The following STK3 variants were observed in gnomAD, a reference collection of about 807,000 sequenced individuals.
STK3 encodes serine/threonine kinase 3.
Under a neutral mutation model 58.0 loss-of-function variants are expected in STK3, and 41 were observed. The observed-to-expected ratio is 0.71, with a 90% confidence interval of 0.55 to 0.92. The LOEUF (loss-of-function observed/expected upper bound fraction) is 0.92, where lower values mean the gene tolerates loss of function less well. STK3 is among the 40% of genes least tolerant of loss of function. The pLI is 0.00. For synonymous variants in STK3, 170 were observed against 191.0 expected (o/e 0.89, Z 0.91); for missense variants, 479 against 602.7 (o/e 0.79, Z 2.15).
chr8:98,649,410 C>T (rs1820694449), intron 6 of STK3, among the ~76,000 whole-genome samples: 1 of 152,110 alleles, frequency 6.6e-6, no homozygotes, highest in African/African-American at 2.4e-5. Context: ...TTAGAAACTT[C>T]TCCCAAGTTT....
chr8:98,710,547 G>GCACAA (rs1826325832), intron 4 of STK3, among the ~76,000 whole-genome samples: 1 of 152,212 alleles, frequency 6.6e-6, no homozygotes, highest in Non-Finnish European at 1.5e-5. Context: ...CTCACTGCTA[G>GCACAA]CACAACAGTG....
chr8:98,550,468 T>C (rs1249409813), intron 8 of STK3, among the ~76,000 whole-genome samples: 1 of 152,178 alleles, frequency 6.6e-6, no homozygotes, highest in Non-Finnish European at 1.5e-5. Flanking sequence ...CCTATCTGTC[T>C]CCATCCCCAA....
At position 98,851,129 on chromosome 8, in the gene STK3, A is replaced by G. The variant is rs188066477; in HGVS notation, c.110+32518T>C. Among the ~76,000 whole-genome samples, 1,292 of 152,240 alleles carry G rather than the reference A, an allele frequency of 8.5e-3. 12 individuals carry two copies. The highest frequency in any genetic ancestry group is 0.029 in the African/African-American group (1,215 of 41,516). On this transcript the variant is annotated intron_variant, in intron 3 of 12. Coordinates refer to the STK3 transcript ENST00000523601. ...GCTCACATTGAGATGTCACATCTCA[A>G]AGAGGCCTTCACCATTCTAGGGAAG...
intron 3 of STK3, among the ~76,000 whole-genome samples, chr8:98,872,074 G>A (rs1461746747): frequency 6.6e-6 from 1 of 152,124 alleles, no homozygotes; most frequent in African/African-American, 2.4e-5. Flanking sequence ...TTTTTTCAAA[G>A]GCCTTTTCTG....
chr8:98,661,284 G>A (rs1821947190), intron 6 of STK3, among the ~76,000 whole-genome samples: 1 of 152,022 alleles, frequency 6.6e-6, no homozygotes, highest in Admixed American at 6.6e-5. Flanking sequence ...CAAATCTGTG[G>A]TAGATGAACT....
chr8:98,420,941 G>A (rs139768963), intron 3 of STK3, among the ~76,000 whole-genome samples: 2 of 152,320 alleles, frequency 1.3e-5, no homozygotes, highest in East Asian at 1.9e-4. Flanking sequence ...AGGAAAATGA[G>A]GCATAGAGAG....
chr8:98,473,999 T>C (rs1462302075), intron 10 of STK3, among the ~76,000 whole-genome samples: 2 of 152,168 alleles, frequency 1.3e-5, no homozygotes, highest in Admixed American at 1.3e-4. Flanking sequence ...AGTAAGTTCA[T>C]ATCTGACAGA....
chr8:98,661,864 T>C (rs1340016995), intron 6 of STK3, among the ~76,000 whole-genome samples: 1 of 152,120 alleles, frequency 6.6e-6, no homozygotes, highest in Non-Finnish European at 1.5e-5. Flanking sequence ...TCTTCAGGAC[T>C]CAGTGCCTAT....
intron 3 of STK3, among the ~76,000 whole-genome samples, chr8:98,863,975 TCACGAGGTCAGGAGATGGA>T (rs1338060696): frequency 1.3e-5 from 2 of 151,984 alleles, no homozygotes; most frequent in South Asian, 4.2e-4. Context: ...GGCAGGCAGA[TCACGAGGTCAGGAGATGGA>T]GACCATCCTG....
At chr8:98,559,249 A>C (rs1481243312) in intron 8 of STK3, among the ~76,000 whole-genome samples, 1 of 152,198 alleles carries the variant, frequency 6.6e-6, no homozygotes, top group Admixed American at 6.5e-5. Flanking sequence ...ATAAGTATTT[A>C]CCAATTAAAT....
At chr8:98,375,431 A>G (rs1817664389) in intron 2 of STK3, among the ~76,000 whole-genome samples, 1 of 152,132 alleles carries the variant, frequency 6.6e-6, no homozygotes, top group African/African-American at 2.4e-5. Context: ...TTAAAAACTG[A>G]TCCTTTCTTG....
At chr8:98,600,239 T>G (rs569364644) in intron 6 of STK3, among the ~76,000 whole-genome samples, 14 of 152,210 alleles carry the variant, frequency 9.2e-5, no homozygotes, top group African/African-American at 3.4e-4. Flanking sequence ...ATTCTGGAAG[T>G]ACAAAGCAAA....
At position 98,856,885 on chromosome 8, in the gene STK3, A is replaced by G. The variant is rs192182883; in HGVS notation, c.110+26762T>C. Reference sequence around the variant, plus strand: ...TGTTACTGGGCCATAAAACAGAACAAAGTACTGATATACTGCCATAACATA... The same window carrying G: ...TGTTACTGGGCCATAAAACAGAACAGAGTACTGATATACTGCCATAACATA... On this transcript the variant is annotated intron_variant, in intron 3 of 12. Coordinates refer to the STK3 transcript ENST00000523601. Among the ~76,000 whole-genome samples, 143 of 152,364 alleles carry G rather than the reference A, an allele frequency of 9.4e-4. 1 individual carries two copies. The highest frequency in any genetic ancestry group is 3.4e-3 in the African/African-American group (140 of 41,594).
At chr8:98,692,098 C>T (rs1824454474) in intron 6 of STK3, among the ~76,000 whole-genome samples, 2 of 152,098 alleles carry the variant, frequency 1.3e-5, no homozygotes, top group South Asian at 4.2e-4. Flanking sequence ...ATTACTATGG[C>T]CATTAGCAAA....
chr8:98,531,459 T>C (rs951799186), intron 9 of STK3, among the ~76,000 whole-genome samples: 3 of 152,200 alleles, frequency 2.0e-5, no homozygotes, highest in Admixed American at 6.5e-5. Flanking sequence ...CAGCAAACCA[T>C]AGTGCAAACA....
chr8:98,819,116 C>A (rs1175758999), intron 1 of STK3, among the ~76,000 whole-genome samples: 2 of 152,148 alleles, frequency 1.3e-5, no homozygotes, highest in Non-Finnish European at 2.9e-5. Flanking sequence ...AGCCACCGTG[C>A]CCAGCCCAAT....
downstream of STK3, among the ~76,000 whole-genome samples, chr8:98,453,080 GTTTT>G (rs919288019): frequency 1.5e-4 from 6 of 39,676 alleles, no homozygotes; most frequent in Middle Eastern, 0.017. Context: ...TTTCTTTCTT[GTTTT>G]TTTTTTTTTT....
chr8:98,798,373 T>C (rs1833314159), intron 1 of STK3, among the ~76,000 whole-genome samples: 1 of 152,208 alleles, frequency 6.6e-6, no homozygotes, highest in South Asian at 2.1e-4. Flanking sequence ...ATGTACAGAG[T>C]TTCATCTGTC....
chr8:98,786,109 T>C (rs1307488987), intron 1 of STK3, among the ~76,000 whole-genome samples: 1 of 152,144 alleles, frequency 6.6e-6, no homozygotes, highest in Non-Finnish European at 1.5e-5. Context: ...AAATCAATAC[T>C]AAAAAACTTC....
Sources: gnomAD v4.1 joint callset for allele counts (sites outside exome capture counted in the v4.1 genomes callset) on GRCh38, gnomAD v4.1.1 for gene constraint, MANE v1.5 for transcripts, NCBI Gene and HGNC (gene_info 2026-07-23, HGNC 2026-07-21) for gene names.